Variants in ARL15 observed in about 807,000 individuals in gnomAD.
ARL15 encodes ARF like GTPase 15, also known as ADP-ribosylation factor-like protein 15.
In ARL15, 19 loss-of-function variants were observed where a neutral mutation model predicts 25.2. That is an observed-to-expected ratio of 0.75 (90% confidence interval 0.53 to 1.10). The LOEUF is 1.10. Ranked by LOEUF, ARL15 falls within the 50% of genes least tolerant of loss-of-function variation. The pLI, the probability that ARL15 is intolerant of heterozygous loss-of-function variation, is 0.00. For synonymous variants in ARL15, 94 were observed against 86.8 expected, an observed-to-expected ratio of 1.08 and a Z score of -0.46; for missense variants, 220 against 246.0, an observed-to-expected ratio of 0.89 and a Z score of 0.71.
At chr5:54,111,689 T>C (rs1156237105) in intron 4 of ARL15, among the ~76,000 whole-genome samples, 2 of 152,120 alleles carry the variant, frequency 1.3e-5, no homozygotes, top group African/African-American at 2.4e-5. Flanking sequence ...ATATGTATTA[T>C]GTATATATTA....
At position 54,308,238 on chromosome 5, in the gene ARL15, A is replaced by G. The variant is rs376766339; in HGVS notation, c.48+2194T>C. ...GTTTCCATCCAGTTTAATGCTAAAG[A>G]ATTTTCTGAAATCTTTTCACAGGGG... On this transcript the variant is annotated intron_variant, in intron 1 of 4. Coordinates refer to ENST00000504924, the MANE Select transcript of ARL15 (RefSeq NM_019087.3). Among the ~76,000 whole-genome samples, 53 of 152,260 alleles carry G rather than the reference A, an allele frequency of 3.5e-4. 1 individual carries two copies. Among genetic ancestry groups the G allele is most frequent in the African/African-American group, 1.1e-3 (46 of 41,548 alleles).
rs1037492629 is a variant in ARL15 at position 54,074,739 on chromosome 5, C to T, written c.462+38463G>A. ...GCAGAGTGAAAAATACATCTATTTC[C>T]TTCTTAATTTTGATATTTTCTATTT... On this transcript the variant is annotated intron_variant, in intron 4 of 4. Coordinates refer to ENST00000504924, the MANE Select transcript of ARL15 (RefSeq NM_019087.3). Among the ~76,000 whole-genome samples, 10 of 151,962 alleles carry T rather than the reference C, an allele frequency of 6.6e-5. No homozygotes were observed. In the East Asian group the frequency reaches 1.9e-3, roughly 29 times the overall value.
chr5:54,121,016 A>G (rs1291349292), intron 3 of ARL15, among the ~76,000 whole-genome samples: 1 of 152,192 alleles, frequency 6.6e-6, no homozygotes, highest in Non-Finnish European at 1.5e-5. Flanking sequence ...AGATTAAGAC[A>G]AACTCACGGA....
intron 4 of ARL15, among the ~76,000 whole-genome samples, chr5:53,981,290 T>A (rs904251704): frequency 2.0e-5 from 3 of 152,198 alleles, no homozygotes; most frequent in Non-Finnish European, 4.4e-5. Flanking sequence ...GTGAGAATGG[T>A]ATTAATTATT....
intron 1 of ARL15, among the ~76,000 whole-genome samples, chr5:54,244,901 A>G (rs1359113178): frequency 6.6e-6 from 1 of 152,082 alleles, no homozygotes; most frequent in East Asian, 1.9e-4. Flanking sequence ...TTAAAATTAA[A>G]AGTATAATTT....
intron 4 of ARL15, among the ~76,000 whole-genome samples, chr5:53,981,741 C>CA (rs1304676036): frequency 6.6e-6 from 1 of 151,092 alleles, no homozygotes; most frequent in Non-Finnish European, 1.5e-5. Flanking sequence ...ATTAAAAATA[C>CA]AAAAAAAATC....
At chr5:53,979,949 C>T (rs2111585750) in intron 4 of ARL15, among the ~76,000 whole-genome samples, 1 of 151,856 alleles carries the variant, frequency 6.6e-6, no homozygotes, top group Admixed American at 6.6e-5. Context: ...AAGTAATCCA[C>T]CTGACTTGGC....
intron 4 of ARL15, among the ~76,000 whole-genome samples, chr5:54,023,011 A>G (rs1222385238): frequency 6.6e-6 from 1 of 152,232 alleles, no homozygotes; most frequent in African/African-American, 2.4e-5. Flanking sequence ...TAATGAAATT[A>G]AAAACTCAAT....
intron 1 of ARL15, among the ~76,000 whole-genome samples, chr5:54,300,917 T>C (rs1360400238): frequency 6.6e-6 from 1 of 152,146 alleles, no homozygotes; most frequent in African/African-American, 2.4e-5. Context: ...CTAGCACTGC[T>C]CCAAACCCTG....
chr5:54,125,758 C>T (rs1366353745), intron 3 of ARL15, among the ~76,000 whole-genome samples: 1 of 152,064 alleles, frequency 6.6e-6, no homozygotes, highest in Non-Finnish European at 1.5e-5. Context: ...CTGTTTAAGT[C>T]CCCAAATTTG....
In ARL15 at chr5:54,275,547, G is replaced by A. The variant is rs79895227; in HGVS notation, c.48+34885C>T. 7.7e-3 allele frequency among the ~76,000 whole-genome samples: 1,168 copies of A among 152,186 alleles called. 11 individuals carry two copies. The highest frequency in any genetic ancestry group is 0.027 in the African/African-American group (1,104 of 41,516). ...ATACGGGAGTGGTGAACCTCCTGCA[G>A]CCTGCACATGAGCAGAAGCACTGAG... On this transcript the variant is annotated intron_variant, in intron 1 of 4. Transcript: ENST00000504924.
intron 1 of ARL15, among the ~76,000 whole-genome samples, chr5:54,215,137 C>T (rs62372188): frequency 0.14 from 21,526 of 152,078 alleles, 1,828 homozygotes; most frequent in Admixed American, 0.22. Context: ...GCTCCTAAGC[C>T]GCAGCCACTG....
intron 1 of ARL15, among the ~76,000 whole-genome samples, chr5:54,175,661 T>C (rs544889413): frequency 0.024 from 3,412 of 144,960 alleles, 50 homozygotes; most frequent in Middle Eastern, 0.065. Flanking sequence ...TTTCTCTCTT[T>C]TTTTTTTTTT....
chr5:53,975,775 G>A (rs908014394), intron 4 of ARL15, among the ~76,000 whole-genome samples: 9 of 152,232 alleles, frequency 5.9e-5, no homozygotes, highest in Non-Finnish European at 1.3e-4. Context: ...AGGTGGGTGA[G>A]TGAGTAGAAC....
At chr5:53,935,364 T>C (rs1746320777) in intron 4 of ARL15, among the ~76,000 whole-genome samples, 1 of 152,106 alleles carries the variant, frequency 6.6e-6, no homozygotes, top group South Asian at 2.1e-4. Context: ...TTGACTTGAA[T>C]AACAAAAAAG....
intron 4 of ARL15, among the ~76,000 whole-genome samples, chr5:53,921,590 T>C (rs1175826193): frequency 2.0e-5 from 3 of 152,120 alleles, no homozygotes; most frequent in African/African-American, 4.8e-5. Context: ...CTGGCCAACA[T>C]GGCAAAACCT....
At chr5:54,131,262 T>C (rs894136200) in intron 3 of ARL15, among the ~76,000 whole-genome samples, 2 of 152,244 alleles carry the variant, frequency 1.3e-5, no homozygotes, top group Non-Finnish European at 2.9e-5. Context: ...TTGACCCAAA[T>C]GACCTTTCTA....
intron 4 of ARL15, among the ~76,000 whole-genome samples, chr5:53,926,213 G>C (rs527804935): frequency 6.6e-6 from 1 of 152,220 alleles, no homozygotes; most frequent in African/African-American, 2.4e-5. Context: ...AAGCCATTCA[G>C]AGATTGCAGG....
chr5:54,184,302 G>A (rs1397093211), intron 1 of ARL15, among the ~76,000 whole-genome samples: 9 of 149,058 alleles, frequency 6.0e-5, no homozygotes, highest in Non-Finnish European at 1.5e-5. Context: ...AATTAGCCAG[G>A]TGTGATGGTG....
Sources: allele counts gnomAD v4.1 joint callset (sites outside exome capture counted in the v4.1 genomes callset), GRCh38; gene constraint gnomAD v4.1.1; transcripts MANE v1.5; gene names NCBI Gene and HGNC (gene_info 2026-07-23, HGNC 2026-07-21).